Variants in ZNF804B observed in about 807,000 individuals in gnomAD.
ZNF804B encodes zinc finger protein 804B.
ZNF804B carries 80 observed loss-of-function variants against 101.4 expected under a neutral mutation model. The ratio of observed to expected loss-of-function variants is 0.79; its 90% CI spans 0.66 to 0.95. The LOEUF (loss-of-function observed/expected upper bound fraction) is 0.95. Ranked by LOEUF, ZNF804B falls within the 40% of genes least tolerant of loss-of-function variation. The probability of loss-of-function intolerance (pLI) is 0.00; values close to 1 mark genes in which losing one functional copy is unlikely to be tolerated. For missense variants in ZNF804B, 1,673 were observed against 1,561.9 expected, an observed-to-expected ratio of 1.07 and a Z score of -1.20; for synonymous variants, 622 against 558.8, an observed-to-expected ratio of 1.11 and a Z score of -1.59.
intron 1 of ZNF804B, among the ~76,000 whole-genome samples, chr7:89,048,461 A>C (rs1789148045): frequency 1.3e-5 from 2 of 151,988 alleles, no homozygotes; most frequent in Middle Eastern, 3.4e-3. Context: ...CTCAGCTTTC[A>C]TGGTCTCTTT....
chr7:89,177,603 TA>T (rs1791340586), intron 1 of ZNF804B, among the ~76,000 whole-genome samples: 1 of 152,230 alleles, frequency 6.6e-6, no homozygotes, highest in Admixed American at 6.5e-5. Flanking sequence ...ACATGTTATA[TA>T]GACATCTATT....
chr7:89,141,393 G>A (rs888716016), intron 1 of ZNF804B, among the ~76,000 whole-genome samples: 1 of 152,000 alleles, frequency 6.6e-6, no homozygotes, highest in Non-Finnish European at 1.5e-5. Context: ...ATAATAAAGT[G>A]AAGCACAATA....
At chr7:89,126,980 A>G (rs1204009361) in intron 1 of ZNF804B, among the ~76,000 whole-genome samples, 1 of 151,552 alleles carries the variant, frequency 6.6e-6, no homozygotes, top group Non-Finnish European at 1.5e-5. Context: ...AATATGTGTG[A>G]AAATCTTTTG....
intron 1 of ZNF804B, among the ~76,000 whole-genome samples, chr7:88,803,566 G>A (rs1230811432): frequency 6.6e-6 from 1 of 152,112 alleles, no homozygotes; most frequent in African/African-American, 2.4e-5. Flanking sequence ...GATATGGGAG[G>A]TTAGGAATGC....
At chr7:89,183,223 C>A (rs1395154310) in intron 1 of ZNF804B, among the ~76,000 whole-genome samples, 2 of 151,974 alleles carry the variant, frequency 1.3e-5, no homozygotes, top group African/African-American at 4.8e-5. Context: ...GAGTCATAAA[C>A]CTTGACAGGA....
rs759414795 is a variant in ZNF804B, at chr7:88,834,936, C to T, written c.108+74852C>T. Among the ~76,000 whole-genome samples, 6 of 151,756 alleles carry T rather than the reference C, an allele frequency of 4.0e-5. No homozygotes were observed. The Admixed American group carries it at 4.0e-4, about 10-fold the overall frequency. On this transcript the variant is annotated intron_variant, in intron 1 of 3. Transcript: ENST00000333190. ...AGAATTTTGACATCTATGAAAGGCA[C>T]CAGCCCTCTTTGGATTTCTGCAGCA...
intron 1 of ZNF804B, among the ~76,000 whole-genome samples, chr7:88,862,786 C>A (rs2115860134): frequency 6.6e-6 from 1 of 151,716 alleles, no homozygotes; most frequent in East Asian, 1.9e-4. Context: ...GATGTTTACG[C>A]TGTCATTTTT....
intron 1 of ZNF804B, among the ~76,000 whole-genome samples, chr7:89,136,341 A>T (rs1790634048): frequency 6.6e-6 from 1 of 152,050 alleles, no homozygotes; most frequent in Non-Finnish European, 1.5e-5. Flanking sequence ...GGGGGTCTCA[A>T]TTTCTTTACT....
At chr7:88,864,853 G>T (rs1375723003) in intron 1 of ZNF804B, among the ~76,000 whole-genome samples, 4 of 152,132 alleles carry the variant, frequency 2.6e-5, no homozygotes, top group Admixed American at 2.6e-4. Flanking sequence ...AATTTGAGCT[G>T]CTCTGAGAAA....
intron 1 of ZNF804B, among the ~76,000 whole-genome samples, chr7:88,899,726 A>G (rs369955372): frequency 1.3e-5 from 2 of 152,214 alleles, no homozygotes; most frequent in African/African-American, 4.8e-5. Flanking sequence ...GAAAGGGGCT[A>G]CAACATAACT....
chr7:89,164,153 A>T (rs1450427967), intron 1 of ZNF804B, among the ~76,000 whole-genome samples: 1 of 152,042 alleles, frequency 6.6e-6, no homozygotes, highest in Non-Finnish European at 1.5e-5. Context: ...TCTACTATAG[A>T]ATAACCTTAT....
At chr7:88,948,801 A>T (rs1275140883) in intron 1 of ZNF804B, among the ~76,000 whole-genome samples, 1 of 151,858 alleles carries the variant, frequency 6.6e-6, no homozygotes, top group African/African-American at 2.4e-5. Context: ...TGTTGTTGCT[A>T]TTTCTAATGT....
intron 1 of ZNF804B, among the ~76,000 whole-genome samples, chr7:89,053,930 T>C (rs1210237368): frequency 6.6e-6 from 1 of 152,036 alleles, no homozygotes; most frequent in Non-Finnish European, 1.5e-5. Context: ...GGTAACAGGT[T>C]TTGTCTATGT....
chr7:89,124,243 A>G (rs1013282683), intron 1 of ZNF804B, among the ~76,000 whole-genome samples: 1 of 152,150 alleles, frequency 6.6e-6, no homozygotes, highest in Non-Finnish European at 1.5e-5. Flanking sequence ...CTTATCTTGA[A>G]AAAGATTCAA....
At chr7:88,817,260 T>A (rs1003008281) in intron 1 of ZNF804B, among the ~76,000 whole-genome samples, 1 of 152,002 alleles carries the variant, frequency 6.6e-6, no homozygotes, top group Non-Finnish European at 1.5e-5. Context: ...AGGGATAGCA[T>A]TGGGAGATAT....
At chr7:89,173,108 G>A (rs1791263170) in intron 1 of ZNF804B, among the ~76,000 whole-genome samples, 1 of 152,022 alleles carries the variant, frequency 6.6e-6, no homozygotes, top group African/African-American at 2.4e-5. Flanking sequence ...ATTTAACAAA[G>A]GACCTAAAAT....
intron 2 of ZNF804B, among the ~76,000 whole-genome samples, chr7:89,289,524 C>T (rs1241043411): frequency 1.3e-5 from 2 of 152,216 alleles, no homozygotes; most frequent in East Asian, 3.9e-4. Flanking sequence ...CCATGTGGTA[C>T]AGAGAGAATC....
At chr7:88,877,104 G>GGCTGGAGT (rs1562820541) in intron 1 of ZNF804B, among the ~76,000 whole-genome samples, 1 of 112,612 alleles carries the variant, frequency 8.9e-6, no homozygotes, top group East Asian at 2.8e-4. Flanking sequence ...CTGTCACCCA[G>GGCTGGAGT]GCTGGAGTGC....
intron 2 of ZNF804B, among the ~76,000 whole-genome samples, chr7:89,322,296 T>C (rs1790832958): frequency 6.6e-6 from 1 of 152,158 alleles, no homozygotes; most frequent in Non-Finnish European, 1.5e-5. Flanking sequence ...TTTGCCAAGA[T>C]AGACCATAGG....
Sources: gnomAD v4.1 joint callset for allele counts (sites outside exome capture counted in the v4.1 genomes callset) on GRCh38, gnomAD v4.1.1 for gene constraint, MANE v1.5 for transcripts, NCBI Gene and HGNC (gene_info 2026-07-23, HGNC 2026-07-21) for gene names.